The following PLXDC2 variants were observed in gnomAD, a reference collection of about 807,000 sequenced individuals.
PLXDC2 encodes plexin domain containing 2, also known as plexin domain-containing protein 2.
Under a neutral mutation model 68.9 loss-of-function variants are expected in PLXDC2, and 40 were observed. The ratio of observed to expected loss-of-function variants is 0.58; its 90% CI spans 0.45 to 0.76. PLXDC2 has a LOEUF of 0.76. Ranked by LOEUF, PLXDC2 falls within the 30% of genes least tolerant of loss-of-function variation. The pLI is 0.00. For synonymous variants in PLXDC2, 243 were observed against 234.2 expected (o/e 1.04, Z -0.34); for missense variants, 644 against 661.9 (o/e 0.97, Z 0.30).
chr10:20,094,102 G>A (rs925328738), intron 4 of PLXDC2, among the ~76,000 whole-genome samples: 4 of 152,204 alleles, frequency 2.6e-5, no homozygotes, highest in Admixed American at 1.3e-4. Flanking sequence ...CTTAGGAATA[G>A]AGGAAATAAT....
intron 4 of PLXDC2, among the ~76,000 whole-genome samples, chr10:20,116,295 C>A (rs1377456653): frequency 6.6e-6 from 1 of 152,130 alleles, no homozygotes; most frequent in Non-Finnish European, 1.5e-5. Context: ...ATTGAAGCTG[C>A]ACTTGGAAGG....
At chr10:20,044,211 G>GTCTTTCTTTCTTTCTTTCTTTCCTT (rs1835743318) in intron 2 of PLXDC2, among the ~76,000 whole-genome samples, 1 of 68,548 alleles carries the variant, frequency 1.5e-5, no homozygotes, top group African/African-American at 5.1e-5. Context: ...CTCTCTCTCT[G>GTCTTTCTTTCTTTCTTTCTTTCCTT]TCTTTCTTTC....
At position 20,044,207 on chromosome 10, in the gene PLXDC2, CTCTGTCTTTCTT is replaced by C. The variant is rs1485722359; in HGVS notation, c.325-2658_325-2647del. On this transcript the variant is annotated intron_variant, in intron 2 of 13. Coordinates refer to ENST00000377252, the MANE Select transcript of PLXDC2 (RefSeq NM_032812.9). Reference sequence around the variant, plus strand: ...TTTCTTTCTTTCTCTCTCTCTCTCTCTCTGTCTTTCTTTCTTTCTTTCTTTCTTTCTTTCTTT... The same window carrying C: ...TTTCTTTCTTTCTCTCTCTCTCTCTCTCTTTCTTTCTTTCTTTCTTTCTTT... Among the ~76,000 whole-genome samples the C allele has an allele frequency of 2.9e-3, 260 of 90,002 alleles. 5 individuals carry two copies. Among genetic ancestry groups the C allele is most frequent in the Non-Finnish European group, 4.1e-3 (185 of 45,296 alleles). 59.0% of individuals were successfully genotyped at this position (90,002 alleles called of 152,430 possible). A position where few individuals can be genotyped will look rare whatever the true frequency, so the allele number is the denominator to read the frequency against.
In PLXDC2 at chr10:20,288,033, A is replaced by G. The variant is rs958153126; in HGVS notation, c.*8214A>G. The G allele has an allele frequency of 6.7e-6, 1 of 149,798 alleles. No homozygotes were observed. The highest frequency in any genetic ancestry group is 1.5e-5 in the Non-Finnish European group (1 of 67,838). The allele number at this position is 149,798 out of a possible 1,614,324, so 9.3% of individuals were successfully genotyped here. On this transcript the variant is annotated 3_prime_UTR_variant, in exon 14 of 14. Transcript: ENST00000377252. ...CAGATTTTATGCCAGTTGCACCAGC[A>G]TGCAGAATATTTGTAATGCATTTCA...
In PLXDC2 at chr10:19,841,525, G is replaced by T. The variant is rs924501981; in HGVS notation, c.112+24334G>T. On this transcript the variant is annotated intron_variant, in intron 1 of 13. Transcript: ENST00000377252. ...CATAAATGACCATTGTTAGAATATG[G>T]TGTGTTTCAGGGTTTTTTTTTTTTT... Among the ~76,000 whole-genome samples, 7 of 144,236 alleles carry T rather than the reference G, an allele frequency of 4.9e-5. No homozygotes were observed. The East Asian group carries it at 1.5e-3, about 30-fold the overall frequency. The allele number at this position is 144,236 out of a possible 152,430, so 94.6% of individuals were successfully genotyped here.
At chr10:20,257,895 T>G (rs1189384890) in intron 13 of PLXDC2, among the ~76,000 whole-genome samples, 1 of 152,044 alleles carries the variant, frequency 6.6e-6, no homozygotes, top group Non-Finnish European at 1.5e-5. Flanking sequence ...AGAGAATAAA[T>G]TGATGATTAA....
intron 2 of PLXDC2, among the ~76,000 whole-genome samples, chr10:20,034,918 T>G (rs1454372242): frequency 2.6e-5 from 4 of 152,146 alleles, no homozygotes; most frequent in African/African-American, 7.2e-5. Context: ...TAGGTTTGTG[T>G]AGGTACACTC....
chr10:20,174,547 C>A (rs1018140515), intron 7 of PLXDC2, among the ~76,000 whole-genome samples: 7 of 152,018 alleles, frequency 4.6e-5, no homozygotes, highest in Admixed American at 3.3e-4. Flanking sequence ...TGCTTCGACC[C>A]TTTCTCCACC....
intron 1 of PLXDC2, among the ~76,000 whole-genome samples, chr10:19,939,097 A>G (rs1171676732): frequency 2.0e-5 from 3 of 152,228 alleles, no homozygotes; most frequent in Admixed American, 6.5e-5. Context: ...GGTTTTATGC[A>G]CCAGTGGCTG....
intron 1 of PLXDC2, among the ~76,000 whole-genome samples, chr10:19,893,555 G>A (rs1262882330): frequency 6.6e-6 from 1 of 151,736 alleles, no homozygotes; most frequent in African/African-American, 2.4e-5. Context: ...TGATAACTTT[G>A]GGGCTTGATT....
At chr10:20,112,417 C>T (rs985381227) in intron 4 of PLXDC2, among the ~76,000 whole-genome samples, 1 of 151,906 alleles carries the variant, frequency 6.6e-6, no homozygotes, top group Non-Finnish European at 1.5e-5. Context: ...AATTTCTCCT[C>T]TTCCTGAATG....
At chr10:20,086,452 A>G (rs925142108) in intron 4 of PLXDC2, among the ~76,000 whole-genome samples, 2 of 151,528 alleles carry the variant, frequency 1.3e-5, no homozygotes, top group African/African-American at 4.9e-5. Flanking sequence ...TCAGCCTCCC[A>G]AAGTGCTGGG....
At chr10:19,934,321 T>C (rs1293062781) in intron 1 of PLXDC2, among the ~76,000 whole-genome samples, 1 of 152,248 alleles carries the variant, frequency 6.6e-6, no homozygotes, top group African/African-American at 2.4e-5. Context: ...TAAAATTACT[T>C]TGAGGATTTC....
In PLXDC2 at chr10:19,892,984, A is replaced by G. The variant is rs1000008325; in HGVS notation, c.112+75793A>G. Among the ~76,000 whole-genome samples, 24 of 151,718 alleles carry G rather than the reference A, an allele frequency of 1.6e-4. No homozygotes were observed. In the Middle Eastern group the frequency reaches 0.01, roughly 65 times the overall value. The stretch of plus-strand genomic sequence containing the variant: ...TTGTCATCACAATCAGATTCACTCA[A>G]GGCAGTTCAATTCCATAGATATTTA... On this transcript the variant is annotated intron_variant, in intron 1 of 13. Transcript: ENST00000377252.
At chr10:20,044,540 C>T (rs969011101) in intron 2 of PLXDC2, among the ~76,000 whole-genome samples, 4 of 151,964 alleles carry the variant, frequency 2.6e-5, no homozygotes, top group African/African-American at 9.6e-5. Context: ...GAACTCCTGA[C>T]CTCAGGTGAT....
At chr10:20,087,545 A>G (rs1833216573) in intron 4 of PLXDC2, among the ~76,000 whole-genome samples, 1 of 152,174 alleles carries the variant, frequency 6.6e-6, no homozygotes, top group Admixed American at 6.5e-5. Flanking sequence ...TAAAACCCTG[A>G]GTGGTTACAG....
At chr10:20,037,921 C>T (rs78508123) in intron 2 of PLXDC2, among the ~76,000 whole-genome samples, 2,691 of 152,262 alleles carry the variant, frequency 0.018, 76 homozygotes, top group African/African-American at 0.061. Flanking sequence ...CATACACACA[C>T]CCCACTCTAC....
At chr10:20,110,702 A>T (rs1411711186) in intron 4 of PLXDC2, among the ~76,000 whole-genome samples, 2 of 152,154 alleles carry the variant, frequency 1.3e-5, no homozygotes, top group African/African-American at 4.8e-5. Context: ...CTGACCTTGG[A>T]GGACCTCAGG....
chr10:20,242,088 C>T (rs560960194), intron 12 of PLXDC2, among the ~76,000 whole-genome samples: 40 of 152,186 alleles, frequency 2.6e-4, no homozygotes, highest in Non-Finnish European at 5.0e-4. Flanking sequence ...TCAAAAATAT[C>T]TACTATTTTT....
Sources: allele counts gnomAD v4.1 joint callset (sites outside exome capture counted in the v4.1 genomes callset), GRCh38; gene constraint gnomAD v4.1.1; transcripts MANE v1.5; gene names NCBI Gene and HGNC (gene_info 2026-07-23, HGNC 2026-07-21).